The following DCC variants were observed in gnomAD, a reference collection of about 807,000 sequenced individuals.
DCC encodes the protein DCC netrin 1 receptor, also known as netrin receptor DCC.
A neutral mutation model predicts 172.5 loss-of-function variants in DCC; 58 were observed. That is an observed-to-expected ratio of 0.34 (90% CI 0.27 to 0.42). The LOEUF (loss-of-function observed/expected upper bound fraction) is 0.42. Among genes scored for constraint, DCC ranks in the 10% least tolerant of loss-of-function variants. DCC has a pLI of 1.00. For missense variants in DCC, 1,740 were observed against 1,791.0 expected, an observed-to-expected ratio of 0.97 and a Z score of 0.51; for synonymous variants, 709 against 644.5, an observed-to-expected ratio of 1.10 and a Z score of -1.52.
At chr18:53,422,445 TA>T (rs1188664223) in intron 21 of DCC, among the ~76,000 whole-genome samples, 1 of 152,142 alleles carries the variant, frequency 6.6e-6, no homozygotes, top group African/African-American at 2.4e-5. Flanking sequence ...CCAGGCTACC[TA>T]ACTGGAGAAT....
intron 1 of DCC, among the ~76,000 whole-genome samples, chr18:52,652,798 C>T (rs2035167149): frequency 6.7e-6 from 1 of 149,652 alleles, no homozygotes; most frequent in Admixed American, 6.7e-5. Context: ...TGGGAAAATC[C>T]TCATCAGTTT....
chr18:53,009,252 T>A (rs2041692047), intron 5 of DCC, among the ~76,000 whole-genome samples: 2 of 152,008 alleles, frequency 1.3e-5, no homozygotes, highest in Admixed American at 6.6e-5. Flanking sequence ...AATGTATTTA[T>A]AAGCTTTTAT....
intron 1 of DCC, among the ~76,000 whole-genome samples, chr18:52,503,934 G>C (rs967031663): frequency 2.0e-5 from 3 of 152,152 alleles, no homozygotes; most frequent in Admixed American, 6.5e-5. Context: ...TGGGGAAATA[G>C]AGAACTCTTT....
At chr18:53,404,071 CT>C (rs1323105323) in intron 19 of DCC, among the ~76,000 whole-genome samples, 5 of 152,194 alleles carry the variant, frequency 3.3e-5, no homozygotes, top group Middle Eastern at 3.4e-3. Context: ...TTCCAATTTT[CT>C]TTTTTTCCCC....
intron 1 of DCC, among the ~76,000 whole-genome samples, chr18:52,380,491 C>T (rs2144322584): frequency 6.6e-6 from 1 of 152,172 alleles, no homozygotes; most frequent in East Asian, 1.9e-4. Flanking sequence ...CAAGACAAAT[C>T]TCTCCATTCC....
intron 5 of DCC, among the ~76,000 whole-genome samples, chr18:53,018,325 G>A (rs1439481276): frequency 6.6e-6 from 1 of 152,124 alleles, no homozygotes; most frequent in Non-Finnish European, 1.5e-5. Flanking sequence ...AGCTGCGTTG[G>A]TTTTACCTAA....
intron 1 of DCC, among the ~76,000 whole-genome samples, chr18:52,369,261 T>C (rs1985011647): frequency 6.6e-6 from 1 of 152,112 alleles, no homozygotes; most frequent in Admixed American, 6.5e-5. Context: ...TTGTGGGTTT[T>C]TTTTTCTTTG....
At chr18:53,104,197 C>G (rs1259988283) in intron 7 of DCC, among the ~76,000 whole-genome samples, 1 of 151,958 alleles carries the variant, frequency 6.6e-6, no homozygotes, top group Non-Finnish European at 1.5e-5. Context: ...TAACTCTGGG[C>G]TACATCATTT....
chr18:52,955,199 G>C (rs1013350291), intron 5 of DCC, among the ~76,000 whole-genome samples: 1 of 152,020 alleles, frequency 6.6e-6, no homozygotes, highest in Non-Finnish European at 1.5e-5. Context: ...AGAATCCTTT[G>C]TGCTCTCCCT....
intron 25 of DCC, among the ~76,000 whole-genome samples, chr18:53,481,423 C>G (rs1336420544): frequency 5.3e-5 from 8 of 152,188 alleles, no homozygotes; most frequent in Admixed American, 5.2e-4. Context: ...AAGCGACCCT[C>G]TATGGAGTTT....
At chr18:53,426,424 T>TTTATG (rs1383957847) in intron 21 of DCC, among the ~76,000 whole-genome samples, 2 of 52,026 alleles carry the variant, frequency 3.8e-5, no homozygotes, top group Non-Finnish European at 1.4e-4. Context: ...GATATATATT[T>TTTATG]ATATATTTAT....
chr18:53,343,084 A>C (rs2144878060), intron 15 of DCC, among the ~76,000 whole-genome samples: 1 of 151,734 alleles, frequency 6.6e-6, no homozygotes, highest in Non-Finnish European at 1.5e-5. Flanking sequence ...GATTATCTAA[A>C]ATTTTCTGTT....
chr18:53,354,000 A>C (rs2057845966), intron 15 of DCC, among the ~76,000 whole-genome samples: 1 of 152,144 alleles, frequency 6.6e-6, no homozygotes, highest in Non-Finnish European at 1.5e-5. Flanking sequence ...CCTATGAGTG[A>C]GAACATGCGG....
At chr18:52,643,823 T>C (rs2034957759) in intron 1 of DCC, among the ~76,000 whole-genome samples, 1 of 152,200 alleles carries the variant, frequency 6.6e-6, no homozygotes. Context: ...AAGCCCTCCT[T>C]GCCAGGATAA....
intron 1 of DCC, among the ~76,000 whole-genome samples, chr18:52,658,794 G>A (rs1248983423): frequency 6.6e-6 from 1 of 152,012 alleles, no homozygotes; most frequent in East Asian, 1.9e-4. Context: ...ATTCATTCTA[G>A]GGAAGACAAA....
intron 13 of DCC, among the ~76,000 whole-genome samples, chr18:53,307,224 A>G (rs2144786716): frequency 6.6e-6 from 1 of 152,354 alleles, no homozygotes; most frequent in South Asian, 2.1e-4. Context: ...TGAGGCAGGG[A>G]ATGGTTGAAT....
intron 1 of DCC, among the ~76,000 whole-genome samples, chr18:52,512,614 G>C (rs1342665263): frequency 1.3e-5 from 2 of 152,166 alleles, no homozygotes; most frequent in Non-Finnish European, 2.9e-5. Flanking sequence ...CTATGTGCCA[G>C]ATAAAAATTA....
At chr18:52,882,439 TTGG>T (rs2039500346) in intron 2 of DCC, among the ~76,000 whole-genome samples, 1 of 152,086 alleles carries the variant, frequency 6.6e-6, no homozygotes, top group South Asian at 2.1e-4. Context: ...AATTTCCCTC[TTGG>T]TGGTGCTTTT....
At position 52,950,929 on chromosome 18, in the gene DCC, C is replaced by CAAAAAAA. The variant is rs755118442; in HGVS notation, c.985+25595_985+25601dup. On this transcript the variant is annotated intron_variant, in intron 5 of 28. Coordinates refer to ENST00000442544, the MANE Select transcript of DCC (RefSeq NM_005215.4). ...TGGGCGACAGAGTGAGACTCCGTCT[C>CAAAAAAA]AAAAAAAAAAAAAAAAAAAAAAAAA... Among the ~76,000 whole-genome samples the CAAAAAAA allele has an allele frequency of 2.4e-3, 137 of 57,416 alleles. 20 individuals are homozygous for CAAAAAAA. The highest frequency in any genetic ancestry group is 4.0e-3 in the East Asian group (5 of 1,238). 37.7% of individuals were successfully genotyped at this position (57,416 alleles called of 152,430 possible). A position where few individuals can be genotyped will look rare whatever the true frequency, so the allele number is the denominator to read the frequency against.
Sources: allele counts gnomAD v4.1 joint callset (sites outside exome capture counted in the v4.1 genomes callset), GRCh38; gene constraint gnomAD v4.1.1; transcripts MANE v1.5; gene names NCBI Gene and HGNC (gene_info 2026-07-23, HGNC 2026-07-21).